HSD17B14: variants seen among roughly 807,000 people sequenced by gnomAD.
The protein encoded by HSD17B14 is L-fucose dehydrogenase.
In HSD17B14, 32 loss-of-function variants were observed where a neutral mutation model predicts 32.2. The ratio of observed to expected loss-of-function variants is 0.99; its 90% CI spans 0.75 to 1.33. The LOEUF (loss-of-function observed/expected upper bound fraction) is 1.33, where lower values mean the gene tolerates loss of function less well. HSD17B14 is among the 40% of genes most tolerant of loss of function. The pLI is 0.00. For synonymous variants in HSD17B14, 140 were observed against 155.4 expected (o/e 0.90, Z 0.74); for missense variants, 370 against 366.5 (o/e 1.01, Z -0.08).
At chr19:48,828,197 C>T (rs1000109350) in intron 5 of HSD17B14, among the ~76,000 whole-genome samples, 3 of 152,070 alleles carry the variant, frequency 2.0e-5, no homozygotes, top group East Asian at 1.9e-4. Flanking sequence ...TCAAGAGAGG[C>T]GGTGATTACA....
intron 1 of HSD17B14, 115 bp from the exon 2 acceptor site, chr19:48,835,958 A>T: frequency 1.1e-6 from 1 of 886,102 alleles, no homozygotes; most frequent in South Asian, 1.5e-5. Flanking sequence ...CCCCAGTCTC[A>T]TGATCACCCA....
At chr19:48,827,098 A>G (rs572264117) in intron 5 of HSD17B14, among the ~76,000 whole-genome samples, 37 of 149,816 alleles carry the variant, frequency 2.5e-4, no homozygotes, top group African/African-American at 9.1e-4. Context: ...GCTGGAGTGC[A>G]GTGGTGTGAT....
At chr19:48,827,795 C>A (rs1353877719) in intron 5 of HSD17B14, among the ~76,000 whole-genome samples, 1 of 151,822 alleles carries the variant, frequency 6.6e-6, no homozygotes, top group South Asian at 2.1e-4. Context: ...GCCTTGGCAT[C>A]CCAAAGTGCT....
chr19:48,813,200 A>T lies in HSD17B14; in HGVS notation c.788T>A (p.Val263Glu), dbSNP rs1247270095. The T allele has an allele frequency of 1.2e-6, 2 of 1,604,996 alleles. No individual in the cohort carries two copies. The highest frequency in any genetic ancestry group is 2.7e-5 in the African/African-American group (2 of 74,668). ...YGCKASRSTPVDAPDIPS is the reference protein window; with the variant it reads ...YGCKASRSTPEDAPDIPS ...TCAGGAAGGGATATCGGGGGCGTCC[A>T]CGGGGGTGCTCCGACTGGCCTTGCA... Residue 263 changes from valine (V) to glutamate (E), a missense_variant, in exon 9 of 9, where the codon GTG becomes GAG. Coordinates refer to ENST00000263278, the MANE Select transcript of HSD17B14 (RefSeq NM_016246.3).
At chr19:48,818,443 C>T (rs1019589811) in intron 5 of HSD17B14, among the ~76,000 whole-genome samples, 1 of 152,062 alleles carries the variant, frequency 6.6e-6, no homozygotes, top group African/African-American at 2.4e-5. Context: ...TCCCACCAGC[C>T]GTGACACCCT....
At chr19:48,816,936 A>G (rs1379294797) in intron 5 of HSD17B14, among the ~76,000 whole-genome samples, 4 of 151,218 alleles carry the variant, frequency 2.6e-5, no homozygotes, top group African/African-American at 9.7e-5. Context: ...CCCAGGTTCA[A>G]GCAATTCTCC....
rs2122794537 is a variant in HSD17B14 at position 48,831,766 on chromosome 19, T to TG, written c.278-8dup. ...GGCCTCTGTGGGGGTGGGTCTAAAGTGGGGGGTGAGAGAGAGAGGAAAAGT... is the reference window on the plus strand; with the variant it reads ...GGCCTCTGTGGGGGTGGGTCTAAAGTGGGGGGGTGAGAGAGAGAGGAAAAGT... On this transcript the variant is annotated splice_polypyrimidine_tract_variant and splice_region_variant and intron_variant, in intron 4 of 8. Transcript: ENST00000263278. The TG allele has an allele frequency of 4.5e-6, 7 of 1,546,032 alleles. No individual in the cohort carries two copies. Among genetic ancestry groups the TG allele is most frequent in the Non-Finnish European group, 6.2e-6 (7 of 1,129,188 alleles).
At chr19:48,816,777 C>T (rs2035057496) in intron 5 of HSD17B14, among the ~76,000 whole-genome samples, 1 of 56,760 alleles carries the variant, frequency 1.8e-5, no homozygotes, top group South Asian at 5.6e-4. Context: ...TAGCAAGACC[C>T]TTTTTCTTTC....
At chr19:48,824,777 AAAAG>A (rs150958177) in intron 5 of HSD17B14, among the ~76,000 whole-genome samples, 80,410 of 141,712 alleles carry the variant, frequency 0.57, 22,652 homozygotes, top group African/African-American at 0.71. Flanking sequence ...GACAAAAAAA[AAAAG>A]AAAGAAAGAA....
Position 48,831,708 on chromosome 19 carries a change from A to G in HSD17B14, c.329T>C (p.Leu110Pro), listed in dbSNP as rs1359923055. 1.2e-6 allele frequency: 2 copies of G among 1,613,848 alleles called. No individual in the cohort carries two copies. Among genetic ancestry groups the G allele is most frequent in the Non-Finnish European group, 8.5e-7 (1 of 1,179,882 alleles). The change falls in exon 5 of 9, where the codon CTG (leucine) becomes CCG (proline). Residue 110 changes from leucine to proline, a missense_variant. Coordinates refer to ENST00000263278, the MANE Select transcript of HSD17B14 (RefSeq NM_016246.3). Reference protein sequence around the residue: ...EETSAQGFRQLLELNLLGTYT... With the variant: ...EETSAQGFRQPLELNLLGTYT... ...CGTCCCCAGTAGGTTCAGCTCCAGC[A>G]GCTGGCGGAATCCCTGGGCAGAGGT...
rs374586444 is a variant in HSD17B14, at chr19:48,833,401, T to C, written c.211-669A>G. ...CCAGAAATAATGGAGAAAAAATCAG[T>C]TACATACAGGCCACGTGCAGTGGCT... On this transcript the variant is annotated intron_variant, in intron 3 of 8. Coordinates refer to ENST00000263278, the MANE Select transcript of HSD17B14 (RefSeq NM_016246.3). Among the ~76,000 whole-genome samples, 5 of 152,184 alleles carry C rather than the reference T, an allele frequency of 3.3e-5. No individual in the cohort carries two copies. The South Asian group carries it at 1.0e-3, about 32-fold the overall frequency.
intron 3 of HSD17B14, among the ~76,000 whole-genome samples, chr19:48,833,018 G>T (rs1199045680): frequency 1.3e-5 from 2 of 151,776 alleles, no homozygotes; most frequent in Admixed American, 1.3e-4. Context: ...GCCTCCCAAA[G>T]TGCTGGAATT....
chr19:48,813,158 A>G lies in HSD17B14; in HGVS notation c.*17T>C, dbSNP rs1489882761. ...GGAGAGTCCTAGGAAGGGGGCCCCA[A>G]GTAGAAATGAGAGAAATCAGGAAGG... On this transcript the variant is annotated 3_prime_UTR_variant, in exon 9 of 9. Transcript: ENST00000263278. 3 of 1,562,732 alleles carry G rather than the reference A, an allele frequency of 1.9e-6. No homozygotes were observed. Among genetic ancestry groups the G allele is most frequent in the African/African-American group, 2.7e-5 (2 of 73,748 alleles).
Position 48,813,315 on chromosome 19 carries a change from C to T in HSD17B14, c.673G>A (p.Gly225Arg), listed in dbSNP as rs758752848. ...GAGGCCAGGAACACTGCCGCAGCCC[C>T]GACCTCAGCGGGCTGGCCCATGCGG... Reference protein sequence around the residue: ...LGRMGQPAEVGAAAVFLASEA... With the variant: ...LGRMGQPAEVRAAAVFLASEA... The change falls in exon 9 of 9, where the codon GGG (glycine) becomes AGG (arginine). Residue 225 changes from glycine to arginine, a missense_variant. By Grantham distance (125) the Gly-to-Arg change is moderately radical (BLOSUM62 -2). Coordinates refer to ENST00000263278, the MANE Select transcript of HSD17B14 (RefSeq NM_016246.3). The T allele has an allele frequency of 2.5e-6, 4 of 1,595,494 alleles. No individual in the cohort carries two copies. The highest frequency in any genetic ancestry group is 3.4e-6 in the Non-Finnish European group (4 of 1,171,154).
At chr19:48,815,856 T>C (rs2035041561) in intron 5 of HSD17B14, among the ~76,000 whole-genome samples, 2 of 151,858 alleles carry the variant, frequency 1.3e-5, no homozygotes, top group South Asian at 4.2e-4. Flanking sequence ...ACCCCATCTC[T>C]ACTAAAAATA....
intron 5 of HSD17B14, among the ~76,000 whole-genome samples, chr19:48,830,184 T>C (rs2035314017): frequency 1.3e-5 from 2 of 152,072 alleles, no homozygotes; most frequent in African/African-American, 4.8e-5. Flanking sequence ...CCCCCCTTTC[T>C]TCAAGGACTT....
chr19:48,822,350 ATGG>A (rs950194706), intron 5 of HSD17B14, among the ~76,000 whole-genome samples: 27 of 142,044 alleles, frequency 1.9e-4, no homozygotes, highest in Admixed American at 2.1e-4. Context: ...GGTGGTGATG[ATGG>A]TGGCAATGAT....
chr19:48,834,184 A>C, intron 3 of HSD17B14, 92 bp downstream of exon 3: 1 of 1,037,930 alleles, frequency 9.6e-7, no homozygotes. Context: ...AGAGGAAGGA[A>C]AAGTAGAGGG....
intron 6 of HSD17B14, 40 bp from the exon 7 acceptor site, chr19:48,813,770 G>C (rs2035004288): frequency 6.2e-7 from 1 of 1,607,552 alleles, no homozygotes; most frequent in South Asian, 1.1e-5. Flanking sequence ...CAGTCCCCGG[G>C]ACATGGGGTC....
Sources: gnomAD v4.1 joint callset for allele counts (sites outside exome capture counted in the v4.1 genomes callset) on GRCh38, gnomAD v4.1.1 for gene constraint, MANE v1.5 for transcripts, NCBI Gene and HGNC (gene_info 2026-07-23, HGNC 2026-07-21) for gene names.